ESR1: variants seen among roughly 807,000 people sequenced by gnomAD.
ESR1 encodes estrogen receptor.
A neutral mutation model predicts 52.7 loss-of-function variants in ESR1; 12 were observed. The observed-to-expected ratio is 0.23, with a 90% CI of 0.15 to 0.37. ESR1 has a LOEUF of 0.37. Ranked by LOEUF, ESR1 falls within the 10% of genes least tolerant of loss-of-function variation. ESR1 has a pLI of 1.00. For missense variants in ESR1, 584 were observed against 779.7 expected (o/e 0.75, Z 2.99); for synonymous variants, 305 against 316.8 (o/e 0.96, Z 0.39).
At chr6:151,768,859 C>A (rs1268876034) in intron 2 of ESR1, among the ~76,000 whole-genome samples, 1 of 152,162 alleles carries the variant, frequency 6.6e-6, no homozygotes, top group African/African-American at 2.4e-5. Flanking sequence ...GGAAAATGGT[C>A]CATCCTTTCC....
intron 3 of ESR1, among the ~76,000 whole-genome samples, chr6:151,903,787 C>T (rs550285976): frequency 5.3e-5 from 8 of 152,230 alleles, no homozygotes; most frequent in South Asian, 2.1e-4. Context: ...GTTTATTGAT[C>T]GCTTAATTGA....
intron 1 of ESR1, among the ~76,000 whole-genome samples, chr6:151,697,686 A>G (rs1779461566): frequency 6.6e-6 from 1 of 152,314 alleles, no homozygotes; most frequent in East Asian, 1.9e-4. Flanking sequence ...TTTTATTTTT[A>G]ACACCTCATT....
intron 3 of ESR1, among the ~76,000 whole-genome samples, chr6:151,926,331 T>G (rs778827672): frequency 2.1e-4 from 32 of 152,324 alleles, no homozygotes; most frequent in South Asian, 2.1e-4. Flanking sequence ...TCTAGGTCTT[T>G]TGCCCTTCTT....
rs551291220 is a variant in ESR1, at chr6:151,698,433, T to A, written c.-201-3442T>A. ...ATAAACACAACCAAACCCATGGGCA[T>A]CTGTGCTGGGAATAAAAGACAGACA... On this transcript the variant is annotated intron_variant, in intron 1 of 2. Transcript: ENST00000404742. Among the ~76,000 whole-genome samples the A allele has an allele frequency of 9.7e-4, 148 of 151,798 alleles. 1 individual carries two copies. Among genetic ancestry groups the A allele is most frequent in the Non-Finnish European group, 1.9e-3 (126 of 67,962 alleles).
At chr6:151,844,757 C>G (rs1215853624) in intron 2 of ESR1, among the ~76,000 whole-genome samples, 1 of 151,964 alleles carries the variant, frequency 6.6e-6, no homozygotes, top group Non-Finnish European at 1.5e-5. Flanking sequence ...TGATTATTCA[C>G]ATTTTACTGA....
At chr6:151,812,903 A>G (rs935288020) in intron 1 of ESR1, among the ~76,000 whole-genome samples, 1 of 152,058 alleles carries the variant, frequency 6.6e-6, no homozygotes, top group Non-Finnish European at 1.5e-5. Context: ...GAGGCAGTTC[A>G]CCAAAGTTAT....
chr6:151,819,341 C>T (rs910286611), intron 1 of ESR1, among the ~76,000 whole-genome samples: 1 of 152,198 alleles, frequency 6.6e-6, no homozygotes, highest in African/African-American at 2.4e-5. Context: ...TCCCCAGCCT[C>T]TGGACCATGG....
intron 5 of ESR1, among the ~76,000 whole-genome samples, chr6:152,056,343 T>C (rs1220578174): frequency 6.6e-6 from 1 of 152,200 alleles, no homozygotes; most frequent in East Asian, 1.9e-4. Flanking sequence ...TAAAACCATA[T>C]TGTACTTTTC....
intron 2 of ESR1, among the ~76,000 whole-genome samples, chr6:151,795,804 T>C (rs1206162988): frequency 1.3e-5 from 2 of 152,004 alleles, no homozygotes; most frequent in Non-Finnish European, 2.9e-5. Context: ...GGGGAACTGG[T>C]AAAATAAACT....
chr6:151,866,247 C>A (rs567599934), intron 2 of ESR1, among the ~76,000 whole-genome samples: 6 of 152,290 alleles, frequency 3.9e-5, no homozygotes, highest in African/African-American at 1.4e-4. Flanking sequence ...TATTAAACAA[C>A]CATCCTGTAA....
At chr6:151,946,484 A>C (rs1480786613) in intron 4 of ESR1, among the ~76,000 whole-genome samples, 5 of 152,208 alleles carry the variant, frequency 3.3e-5, no homozygotes, top group Non-Finnish European at 5.9e-5. Context: ...GGAAAGGAAA[A>C]TATTATACAC....
chr6:152,075,949 G>C (rs1194616206), intron 6 of ESR1, among the ~76,000 whole-genome samples: 1 of 152,112 alleles, frequency 6.6e-6, no homozygotes, highest in East Asian at 1.9e-4. Flanking sequence ...GATTTTATTT[G>C]TATATTATGT....
At chr6:151,759,369 A>G (rs1393095781) in intron 2 of ESR1, among the ~76,000 whole-genome samples, 1 of 151,922 alleles carries the variant, frequency 6.6e-6, no homozygotes, top group African/African-American at 2.4e-5. Context: ...TATTAAAATT[A>G]TGTTTATAAA....
intron 2 of ESR1, among the ~76,000 whole-genome samples, chr6:151,788,773 C>A (rs1787252202): frequency 6.6e-6 from 1 of 152,068 alleles, no homozygotes; most frequent in South Asian, 2.1e-4. Flanking sequence ...TATGCAGCCA[C>A]CAAAAAGAAT....
At chr6:151,741,716 G>GAT (rs1349238033) in intron 2 of ESR1, among the ~76,000 whole-genome samples, 3 of 152,068 alleles carry the variant, frequency 2.0e-5, no homozygotes, top group South Asian at 2.1e-4. Context: ...GACGTGATGA[G>GAT]ATATATATAG....
chr6:151,962,295 A>G (rs1030059982), intron 4 of ESR1, among the ~76,000 whole-genome samples: 1 of 151,970 alleles, frequency 6.6e-6, no homozygotes, highest in Non-Finnish European at 1.5e-5. Flanking sequence ...GCTCAGATGG[A>G]ATAATTTTTA....
intron 4 of ESR1, among the ~76,000 whole-genome samples, chr6:151,953,054 C>T (rs1254651901): frequency 5.9e-5 from 9 of 152,052 alleles, no homozygotes; most frequent in South Asian, 2.1e-4. Flanking sequence ...ATGTGATGAC[C>T]GCTTGGACTG....
At chr6:151,817,411 G>A (rs939988769) in intron 1 of ESR1, among the ~76,000 whole-genome samples, 1 of 151,302 alleles carries the variant, frequency 6.6e-6, no homozygotes, top group South Asian at 2.1e-4. Context: ...GACTAGTGAT[G>A]TGCCTCAAGG....
At chr6:152,057,147 G>A (rs2047170046) in intron 5 of ESR1, among the ~76,000 whole-genome samples, 1 of 152,038 alleles carries the variant, frequency 6.6e-6, no homozygotes, top group Non-Finnish European at 1.5e-5. Flanking sequence ...CTTTGCATCA[G>A]GCAAGTGACA....
Sources: gnomAD v4.1 joint callset for allele counts (sites outside exome capture counted in the v4.1 genomes callset) on GRCh38, gnomAD v4.1.1 for gene constraint, MANE v1.5 for transcripts, NCBI Gene and HGNC (gene_info 2026-07-23, HGNC 2026-07-21) for gene names.